CHRNE: variants seen among roughly 807,000 people sequenced by gnomAD.
CHRNE encodes acetylcholine receptor subunit epsilon.
In CHRNE, 58 loss-of-function variants were observed where a neutral mutation model predicts 56.5. That is an observed-to-expected ratio of 1.03 (90% CI 0.83 to 1.28). CHRNE has a LOEUF of 1.28. Ranked by LOEUF, CHRNE falls within the 50% of genes most tolerant of loss-of-function variation. The pLI, the probability that CHRNE is intolerant of heterozygous loss-of-function variation, is 0.00. For synonymous variants in CHRNE, 385 were observed against 297.9 expected (o/e 1.29, Z -3.01); for missense variants, 793 against 688.9 (o/e 1.15, Z -1.69).
chr17:4,899,245 C>G lies in CHRNE; in HGVS notation c.1172G>C (p.Ser391Thr). 1 of 1,606,894 alleles carries G rather than the reference C, an allele frequency of 6.2e-7. No homozygotes were observed. The highest frequency in any genetic ancestry group is 1.1e-5 in the South Asian group (1 of 90,852). Residue 391 changes from serine (S) to threonine (T), a missense_variant, in exon 10 of 12, where the codon AGC becomes ACC. By Grantham distance (58) the Ser-to-Thr change is moderately conservative (BLOSUM62 1). Coordinates refer to ENST00000649488, the MANE Select transcript of CHRNE (RefSeq NM_000080.4). Reference sequence around the variant, plus strand: ...CCTCTGCCCCTCAAACACGAGCTCGCTCCGTGGCTTTTTCAGTATCAGCTC... The same window carrying G: ...CCTCTGCCCCTCAAACACGAGCTCGGTCCGTGGCTTTTTCAGTATCAGCTC... ...AEELILKKPR[S>T]ELVFEGQRHR...
intron 8 of CHRNE, chr17:4,900,433 G>C (rs764025374): frequency 1.9e-6 from 3 of 1,550,762 alleles, no homozygotes; most frequent in African/African-American, 2.7e-5. Context: ...CTGTGTGGAC[G>C]GGGTCTGCAG....
rs772240882 is a variant in CHRNE, at chr17:4,902,718, A to G, written c.92T>C (p.Leu31Pro). 2 of 1,614,036 alleles carry G rather than the reference A, an allele frequency of 1.2e-6. No individual in the cohort carries two copies. The highest frequency in any genetic ancestry group is 3.3e-5 in the Admixed American group (2 of 59,998). ...GCTTCCTGGGTCATAGTTGTTGAAG[A>G]GATGGTGATAAAGACGCAGTTCCTC... is the stretch of plus-strand genomic sequence containing the variant. ...KNEELRLYHHLFNNYDPGSRP... is the reference protein window; with the variant it reads ...KNEELRLYHHPFNNYDPGSRP... The change falls in exon 2 of 12, where the codon CTC becomes CCC. Residue 31 changes from leucine to proline, a missense_variant. Leu to Pro is a moderately conservative substitution (Grantham distance 98, BLOSUM62 -3). Coordinates refer to ENST00000649488, the MANE Select transcript of CHRNE (RefSeq NM_000080.4). This position sits in a 1 kb window ranked among gnomAD's most constrained non-coding sequence, Gnocchi z 4.0.
upstream of CHRNE, among the ~76,000 whole-genome samples, chr17:4,906,477 A>C (rs1970093647): frequency 6.6e-6 from 1 of 152,194 alleles, no homozygotes. Context: ...TGCTTCAAAA[A>C]GTGATTATGA....
At position 4,902,464 on chromosome 17, in the gene CHRNE, C is replaced by T. The variant is rs760534437; in HGVS notation, c.220G>A (p.Val74Ile). The T allele has an allele frequency of 8.7e-6, 14 of 1,614,200 alleles. No homozygotes were observed. The highest frequency in any genetic ancestry group is 1.1e-5 in the Non-Finnish European group (13 of 1,180,048). Residue 74 changes from valine to isoleucine, a missense_variant, in exon 3 of 12, where the codon GTC (valine) becomes ATC (isoleucine). Physicochemically the swap from Val to Ile is conservative, Grantham distance 29 (BLOSUM62 3). Coordinates refer to ENST00000649488, the MANE Select transcript of CHRNE (RefSeq NM_000080.4). The surrounding 1 kb of genome is among the most constrained non-coding windows in gnomAD (Gnocchi z 4.0). ...NEKEETLTTS[V>I]WIGIDWQDYR... ...ATTTGACTCACGATTCCAATCCAGA[C>T]GCTAGTGGTGAGAGTCTCCTCTTTT...
intron 8 of CHRNE, chr17:4,900,415 G>A (rs1170398795): frequency 9.0e-6 from 14 of 1,550,956 alleles, no homozygotes; most frequent in South Asian, 5.9e-5. Flanking sequence ...CAGGGAGCAT[G>A]GCTATGCCTG....
intron 8 of CHRNE, 191 bp downstream of exon 8, chr17:4,900,602 C>G: frequency 6.5e-7 from 1 of 1,532,760 alleles, no homozygotes; most frequent in Non-Finnish European, 8.8e-7. Flanking sequence ...CTCGGGAGAC[C>G]TCCAGGTGAC....
chr17:4,901,825 C>T, intron 5 of CHRNE, 107 bp downstream of exon 5: 2 of 1,523,786 alleles, frequency 1.3e-6, no homozygotes, highest in Non-Finnish European at 1.8e-6. Flanking sequence ...CCTGGCTCCG[C>T]CTCCAGCGCG....
Position 4,898,112 on chromosome 17 carries a change from G to A in CHRNE, c.*624C>T, listed in dbSNP as rs1159088087. On this transcript the variant is annotated 3_prime_UTR_variant, in exon 12 of 12. Transcript: ENST00000649488. ...GTCAGTACTGTAGACTAGGCAGAGAGAGCCTCCAGGGTGGGGAAGAAAGGG... is the reference window on the plus strand; with the variant it reads ...GTCAGTACTGTAGACTAGGCAGAGAAAGCCTCCAGGGTGGGGAAGAAAGGG... 1 of 161,074 alleles carries A rather than the reference G, an allele frequency of 6.2e-6. No homozygotes were observed. The highest frequency in any genetic ancestry group is 1.4e-5 in the Non-Finnish European group (1 of 72,968). The allele number at this position is 161,074 out of a possible 1,614,324, so 10.0% of individuals were successfully genotyped here.
chr17:4,907,000 T>C (rs1041346861), upstream of CHRNE, among the ~76,000 whole-genome samples: 4 of 151,982 alleles, frequency 2.6e-5, no homozygotes, highest in South Asian at 8.3e-4. Flanking sequence ...ATCAAAACAA[T>C]TGACCTCATG....
chr17:4,907,952 G>A (rs1029872852), upstream of CHRNE, among the ~76,000 whole-genome samples: 5 of 152,060 alleles, frequency 3.3e-5, no homozygotes, highest in African/African-American at 1.2e-4. Context: ...CGAGGCGGGC[G>A]GATCACGAGG....
At position 4,899,024 on chromosome 17, in the gene CHRNE, T is replaced by G. The variant is rs1486674648; in HGVS notation, c.1303A>C (p.Arg435=). 1.2e-6 allele frequency: 2 copies of G among 1,608,610 alleles called. No individual in the cohort carries two copies. Among genetic ancestry groups the G allele is most frequent in the East Asian group, 2.2e-5 (1 of 44,766 alleles). ...DAVNFVAEST[R]DQEATGEEVS... ...ACCTCGCCGGTGGCCTCCTGATCTC[T>G]CGTGCTCTCGGCCACGAAGTTCACG... Residue 435 remains arginine (R), a synonymous_variant, in exon 11 of 12, where the codon AGA becomes CGA. Coordinates refer to ENST00000649488, the MANE Select transcript of CHRNE (RefSeq NM_000080.4).
At chr17:4,904,998 T>C (rs182265797), upstream of CHRNE, among the ~76,000 whole-genome samples, 194 of 152,358 alleles carry the variant, frequency 1.3e-3, no homozygotes, top group Non-Finnish European at 1.6e-3. Context: ...CTGCTGCTTA[T>C]TCCAGAGCTT....
chr17:4,905,104 C>G (rs1048520225), upstream of CHRNE, among the ~76,000 whole-genome samples: 9 of 152,190 alleles, frequency 5.9e-5, no homozygotes, highest in Non-Finnish European at 1.3e-4. Context: ...GGGCCGAGTG[C>G]TACGGTTATT....
At chr17:4,904,211 T>TG (rs201525691), upstream of CHRNE, among the ~76,000 whole-genome samples, 1,917 of 151,590 alleles carry the variant, frequency 0.013, 41 homozygotes, top group African/African-American at 0.044. Flanking sequence ...TTGCAGGGGG[T>TG]GGGGGGACAG....
chr17:4,901,832 C>T (rs1037863113), intron 5 of CHRNE, 100 bp downstream of exon 5: 7 of 1,541,740 alleles, frequency 4.5e-6, no homozygotes, highest in Non-Finnish European at 6.2e-6. Flanking sequence ...CCGCCTCCAG[C>T]GCGAAGCCCC....
chr17:4,900,496 C>T (rs1969945345), intron 8 of CHRNE: 1 of 1,550,874 alleles, frequency 6.4e-7, no homozygotes, highest in African/African-American at 1.4e-5. Context: ...CTCGGAATCC[C>T]CGGAGAACCG....
Position 4,898,693 on chromosome 17 carries a change from A to G in CHRNE, c.*43T>C, listed in dbSNP as rs2229200. The G allele has an allele frequency of 8.1e-3, 12,911 of 1,589,882 alleles. 459 individuals carry two copies. In the African/African-American group the frequency reaches 0.11, roughly 13 times the overall value. ...GGCGGCAGCCTACTTTTTCAAAATC[A>G]ATTTCCTACTGGAGATGGGTGGGAA... On this transcript the variant is annotated 3_prime_UTR_variant, in exon 12 of 12. Coordinates refer to ENST00000649488, the MANE Select transcript of CHRNE (RefSeq NM_000080.4).
upstream of CHRNE, chr17:4,903,122 A>T (rs1970041104): frequency 1.3e-6 from 2 of 1,587,232 alleles, no homozygotes; most frequent in Non-Finnish European, 1.7e-6. Flanking sequence ...GGGGCATGCC[A>T]GGGTGCCTGT....
Position 4,901,037 on chromosome 17 carries a change from A to G in CHRNE, c.755T>C (p.Val252Ala). 1 of 1,614,058 alleles carries G rather than the reference A, an allele frequency of 6.2e-7. No individual in the cohort carries two copies. Among genetic ancestry groups the G allele is most frequent in the Non-Finnish European group, 8.5e-7 (1 of 1,179,972 alleles). Residue 252 changes from valine (V) to alanine (A), a missense_variant, in exon 7 of 12, where the codon GTG (valine) becomes GCG (alanine). Transcript: ENST00000649488. ...GAGCAGCACCAGGCCCGAGATGAGC[A>G]CACAGGGCACGATGATGTTAATGAC... Reference protein sequence around the residue: ...FYVINIIVPCVLISGLVLLAY... With the variant: ...FYVINIIVPCALISGLVLLAY...
Sources: allele counts gnomAD v4.1 joint callset (sites outside exome capture counted in the v4.1 genomes callset), GRCh38; gene constraint gnomAD v4.1.1; non-coding constraint Gnocchi (gnomAD v3.1); transcripts MANE v1.5; gene names NCBI Gene and HGNC (gene_info 2026-07-23, HGNC 2026-07-21).